MAP3K3: variants seen among roughly 807,000 people sequenced by gnomAD.
The protein encoded by MAP3K3 is mitogen-activated protein kinase kinase kinase 3.
MAP3K3 carries 12 observed loss-of-function variants against 80.9 expected under a neutral mutation model. That is an observed-to-expected ratio of 0.15 (90% CI 0.10 to 0.24). The LOEUF (loss-of-function observed/expected upper bound fraction) is 0.24. MAP3K3 is among the 10% of genes least tolerant of loss of function. The pLI is 1.00. For missense variants in MAP3K3, 596 were observed against 834.7 expected, an observed-to-expected ratio of 0.71 and a Z score of 3.52; for synonymous variants, 272 against 307.1, an observed-to-expected ratio of 0.89 and a Z score of 1.19.
intron 6 of MAP3K3, among the ~76,000 whole-genome samples, chr17:63,677,595 C>T (rs911255773): frequency 6.6e-6 from 1 of 152,180 alleles, no homozygotes; most frequent in Non-Finnish European, 1.5e-5. Context: ...CAGATTTCCC[C>T]TAAACCTCCA....
chr17:63,664,503 C>T (rs989512331), intron 5 of MAP3K3, among the ~76,000 whole-genome samples: 4 of 152,134 alleles, frequency 2.6e-5, no homozygotes, highest in African/African-American at 9.7e-5. Context: ...TTCCCTGCAT[C>T]GTTGAATCCA....
intron 8 of MAP3K3, 88 bp from the exon 9 acceptor site, chr17:63,688,439 A>G: frequency 1.0e-6 from 1 of 994,908 alleles, no homozygotes; most frequent in Non-Finnish European, 1.6e-6. Flanking sequence ...ATGCTGTGGC[A>G]GGGGTTAGAA....
intron 2 of MAP3K3, chr17:63,634,773 C>T (rs1328336062): frequency 1.2e-6 from 2 of 1,614,010 alleles, no homozygotes; most frequent in Admixed American, 1.7e-5. Flanking sequence ...AGCTCATGTG[C>T]AGGGGCCAGT....
chr17:63,670,581 T>G (rs1219312027), intron 6 of MAP3K3, among the ~76,000 whole-genome samples: 5 of 111,196 alleles, frequency 4.5e-5, no homozygotes, highest in Non-Finnish European at 7.0e-5. Context: ...AGTGAGACTC[T>G]GTCTCAAAAA....
At chr17:63,623,509 C>T (rs1265534947) in intron 1 of MAP3K3, among the ~76,000 whole-genome samples, 3 of 152,174 alleles carry the variant, frequency 2.0e-5, no homozygotes, top group Non-Finnish European at 1.5e-5. Flanking sequence ...TTGAAAGAAA[C>T]ATTTGCTACA....
intron 2 of MAP3K3, among the ~76,000 whole-genome samples, chr17:63,642,808 G>A (rs2034469411): frequency 6.6e-6 from 1 of 152,102 alleles, no homozygotes; most frequent in African/African-American, 2.4e-5. Flanking sequence ...CCAGGCTGGA[G>A]TCCAGTGGCG....
intron 5 of MAP3K3, among the ~76,000 whole-genome samples, chr17:63,663,182 C>A (rs1209953349): frequency 6.6e-6 from 1 of 152,100 alleles, no homozygotes; most frequent in East Asian, 1.9e-4. Context: ...GAGTTGGAGT[C>A]ACTTTCATAT....
chr17:63,688,889 C>A lies in MAP3K3; in HGVS notation c.871+8C>A, dbSNP rs1281486272. 1 of 1,604,188 alleles carries A rather than the reference C, an allele frequency of 6.2e-7. No individual in the cohort carries two copies. On this transcript the variant is annotated splice_region_variant and intron_variant, in intron 10 of 15. Transcript: ENST00000361733. ...ACAAGGACTACAGTGATGGTGAGTT[C>A]TTCTTCACCTGCTCCCTGCTGGCTG...
At chr17:63,657,630 A>T (rs2034798401) in intron 4 of MAP3K3, among the ~76,000 whole-genome samples, 164 bp from the exon 5 acceptor site, 2 of 152,212 alleles carry the variant, frequency 1.3e-5, no homozygotes, top group South Asian at 4.1e-4. Context: ...AGAGAAAAAA[A>T]TCTGTATGGT....
At chr17:63,660,585 T>TCTC (rs1429777901) in intron 5 of MAP3K3, among the ~76,000 whole-genome samples, 1 of 150,476 alleles carries the variant, frequency 6.6e-6, no homozygotes, top group Non-Finnish European at 1.5e-5. Flanking sequence ...TTCTTCTTCT[T>TCTC]CTTCTTTTCT....
At chr17:63,660,217 T>C (rs1398445570) in intron 5 of MAP3K3, among the ~76,000 whole-genome samples, 2 of 152,174 alleles carry the variant, frequency 1.3e-5, no homozygotes, top group Non-Finnish European at 2.9e-5. Context: ...CCCTTTTTTT[T>C]TGAGATGGGA....
At chr17:63,625,736 A>T (rs916047068) in intron 1 of MAP3K3, among the ~76,000 whole-genome samples, 2 of 152,226 alleles carry the variant, frequency 1.3e-5, no homozygotes, top group Non-Finnish European at 2.9e-5. Context: ...CTATGTCATT[A>T]CTAGATTTCT....
chr17:63,626,788 G>A (rs920190537), intron 1 of MAP3K3, among the ~76,000 whole-genome samples: 2 of 152,222 alleles, frequency 1.3e-5, no homozygotes, highest in Non-Finnish European at 2.9e-5. Context: ...TCCTGAGTGG[G>A]CAGTGCGATC....
At chr17:63,624,355 G>A (rs972604270) in intron 1 of MAP3K3, among the ~76,000 whole-genome samples, 5 of 152,132 alleles carry the variant, frequency 3.3e-5, no homozygotes, top group African/African-American at 1.2e-4. Context: ...TAGTCCCAAA[G>A]GAGAGTGTGA....
chr17:63,690,565 T>C (rs910133406), intron 12 of MAP3K3, 153 bp downstream of exon 12: 2 of 806,968 alleles, frequency 2.5e-6, no homozygotes, highest in African/African-American at 3.5e-5. Context: ...AGCCACAGGG[T>C]GAAAGGACTG....
At chr17:63,637,040 T>G in intron 2 of MAP3K3, 1 of 536,406 alleles carries the variant, frequency 1.9e-6, no homozygotes, top group Admixed American at 2.9e-5. Context: ...GGGGACAAAC[T>G]TTCTGGAAGA....
chr17:63,688,487 A>G (rs373979108), intron 8 of MAP3K3, 40 bp from the exon 9 acceptor site: 1 of 1,520,210 alleles, frequency 6.6e-7, no homozygotes, highest in Non-Finnish European at 9.1e-7. Context: ...GTTGCTGTGG[A>G]AGTGTGCGGG....
intron 6 of MAP3K3, among the ~76,000 whole-genome samples, chr17:63,674,227 A>G (rs901522680): frequency 3.3e-5 from 5 of 152,066 alleles, no homozygotes; most frequent in African/African-American, 7.2e-5. Flanking sequence ...CCATACTCCA[A>G]CGCCTGAGTG....
In MAP3K3 at chr17:63,646,094, AGTAGCTGT is replaced by A. The variant is rs756402054; in HGVS notation, c.167+23_167+30del. The A allele has an allele frequency of 6.2e-7, 1 of 1,612,640 alleles. No homozygotes were observed. Among genetic ancestry groups the A allele is most frequent in the South Asian group, 1.1e-5 (1 of 91,012 alleles). ...GAGGCGGTAAGTCTGCCTTCTGATGAGTAGCTGTGTTCATGTATGCCAAAGTTCTCAGA... is the reference window on the plus strand; with the variant it reads ...GAGGCGGTAAGTCTGCCTTCTGATGAGTTCATGTATGCCAAAGTTCTCAGA... On this transcript the variant is annotated intron_variant, in intron 3 of 15. Coordinates refer to ENST00000361733, the MANE Select transcript of MAP3K3 (RefSeq NM_002401.5).
Sources: gnomAD v4.1 joint callset for allele counts (sites outside exome capture counted in the v4.1 genomes callset) on GRCh38, gnomAD v4.1.1 for gene constraint, MANE v1.5 for transcripts, NCBI Gene and HGNC (gene_info 2026-07-23, HGNC 2026-07-21) for gene names.